Variants in KDM4A observed in about 807,000 individuals in gnomAD.
The protein encoded by KDM4A is lysine-specific demethylase 4A.
KDM4A carries 23 observed loss-of-function variants against 127.1 expected under a neutral mutation model. The observed-to-expected ratio is 0.18, with a 90% CI of 0.13 to 0.26. The LOEUF (loss-of-function observed/expected upper bound fraction) is 0.26, where lower values mean the gene tolerates loss of function less well. Among genes scored for constraint, KDM4A ranks in the 10% least tolerant of loss-of-function variants. The probability of loss-of-function intolerance (pLI) is 1.00; values close to 1 mark genes in which losing one functional copy is unlikely to be tolerated. For missense variants in KDM4A, 890 were observed against 1,329.1 expected (o/e 0.67, Z 5.14); for synonymous variants, 443 against 466.5 (o/e 0.95, Z 0.65).
intron 11 of KDM4A, among the ~76,000 whole-genome samples, chr1:43,678,545 G>A (rs570863236): frequency 1.3e-5 from 2 of 152,042 alleles, no homozygotes; most frequent in East Asian, 3.9e-4. Flanking sequence ...CTAAGGAAGT[G>A]GGAGTGCAGG....
Position 43,697,886 on chromosome 1 carries a change from T to TC in KDM4A, c.2715dup (p.Ile906HisfsTer2). The TC allele has an allele frequency of 6.2e-7, 1 of 1,613,678 alleles. No homozygotes were observed. Among genetic ancestry groups the TC allele is most frequent in the African/African-American group, 1.3e-5 (1 of 74,816 alleles). ...CAAAGCATCACTGCAGGCCAGAAAG[T>TC]CATTAGCAAGCATAAGAACGGGCGC... On this transcript the variant is annotated frameshift_variant, in exon 19 of 22. Transcript: ENST00000372396. LOFTEE classifies it high-confidence loss of function.
At chr1:43,687,267 C>A (rs1661008871) in intron 12 of KDM4A, among the ~76,000 whole-genome samples, 1 of 152,212 alleles carries the variant, frequency 6.6e-6, no homozygotes, top group Non-Finnish European at 1.5e-5. Context: ...ACTATGAGGG[C>A]AGCGTAGAAT....
intron 19 of KDM4A, 113 bp downstream of exon 19, chr1:43,698,126 T>C (rs1047037376): frequency 3.1e-6 from 3 of 960,102 alleles, no homozygotes; most frequent in Admixed American, 2.5e-5. Context: ...CCTGGTCCCA[T>C]CACCATGTCC....
chr1:43,697,851 G>T lies in KDM4A; in HGVS notation c.2679G>T (p.Lys893Asn). The T allele has an allele frequency of 6.2e-7, 1 of 1,612,302 alleles. No homozygotes were observed. ...RHKIPNLERAKGALQSITAGQ... is the reference protein window; with the variant it reads ...RHKIPNLERANGALQSITAGQ... ...CCTCTGTTTTTTTCCAGCGTGCCAAGGGGGCCTTGCAAAGCATCACTGCAG... is the reference window on the plus strand; with the variant it reads ...CCTCTGTTTTTTTCCAGCGTGCCAATGGGGCCTTGCAAAGCATCACTGCAG... Residue 893 changes from lysine to asparagine, a missense_variant, in exon 19 of 22, where the codon AAG becomes AAT. Lys to Asn is a moderately conservative substitution (Grantham distance 94). This residue lies in a region of KDM4A where 246 missense variants were observed against 418.4 expected (regional missense o/e 0.59). Coordinates refer to ENST00000372396, the MANE Select transcript of KDM4A (RefSeq NM_014663.3).
chr1:43,663,516 C>T (rs544439051), intron 5 of KDM4A, among the ~76,000 whole-genome samples: 9 of 152,200 alleles, frequency 5.9e-5, no homozygotes, highest in East Asian at 3.9e-4. Context: ...TAAGGGATTG[C>T]GAGGCTATTC....
Position 43,662,799 on chromosome 1 carries a change from A to G in KDM4A, c.430-95A>G. 1.3e-5 allele frequency: 13 copies of G among 1,024,214 alleles called. No homozygotes were observed. The Middle Eastern group carries it at 6.5e-4, about 51-fold the overall frequency. The allele number at this position is 1,024,214 out of a possible 1,614,324, so 63.4% of individuals were successfully genotyped here. On this transcript the variant is annotated intron_variant, in intron 4 of 21. Coordinates refer to ENST00000372396, the MANE Select transcript of KDM4A (RefSeq NM_014663.3). ...ACATTATTCCCAATGTTTGTCAGAGATGACAGCTTACTTGTGACCTACTCT... is the reference window on the plus strand; with the variant it reads ...ACATTATTCCCAATGTTTGTCAGAGGTGACAGCTTACTTGTGACCTACTCT...
intron 5 of KDM4A, among the ~76,000 whole-genome samples, chr1:43,665,469 CTTA>C (rs1318115510): frequency 6.6e-6 from 1 of 151,852 alleles, no homozygotes; most frequent in Non-Finnish European, 1.5e-5. Flanking sequence ...TAATAAACAT[CTTA>C]TTAAGTGAAT....
At chr1:43,703,794 C>A in intron 20 of KDM4A, 58 bp downstream of exon 20, 1 of 1,605,870 alleles carries the variant, frequency 6.2e-7, no homozygotes, top group Non-Finnish European at 8.5e-7. Flanking sequence ...TCTGTGCTTC[C>A]TGTTGGGCCA....
At chr1:43,665,815 G>C in intron 6 of KDM4A, 70 bp downstream of exon 6, 1 of 1,509,294 alleles carries the variant, frequency 6.6e-7, no homozygotes, top group Middle Eastern at 1.7e-4. Flanking sequence ...GCACTAAAAT[G>C]TGCGTTCCCC....
At chr1:43,669,353 G>A in intron 10 of KDM4A, 54 bp downstream of exon 10, 1 of 1,533,900 alleles carries the variant, frequency 6.5e-7, no homozygotes, top group African/African-American at 1.4e-5. Flanking sequence ...TGTGTCCCGT[G>A]TTAGATGCCA....
intron 11 of KDM4A, among the ~76,000 whole-genome samples, chr1:43,677,108 G>A (rs1296306500): frequency 1.3e-5 from 2 of 152,144 alleles, no homozygotes; most frequent in Non-Finnish European, 2.9e-5. Flanking sequence ...CACTCTGGGA[G>A]GCCGAGGGGG....
chr1:43,705,025 C>T lies in KDM4A; in HGVS notation c.*655C>T, dbSNP rs1373251442. ...AGATGCTAAGGAGCTGATGCCACCT[C>T]TTTGTCTTCCCCTAAAGGAGAACAT... On this transcript the variant is annotated 3_prime_UTR_variant, in exon 22 of 22. Coordinates refer to ENST00000372396, the MANE Select transcript of KDM4A (RefSeq NM_014663.3). 6.5e-6 allele frequency: 1 copy of T among 152,872 alleles called. No individual in the cohort carries two copies. Among genetic ancestry groups the T allele is most frequent in the African/African-American group, 2.4e-5 (1 of 41,454 alleles). 9.5% of individuals were successfully genotyped at this position (152,872 alleles called of 1,614,324 possible).
chr1:43,678,609 A>G (rs1344811278), intron 11 of KDM4A, among the ~76,000 whole-genome samples: 1 of 142,336 alleles, frequency 7.0e-6, no homozygotes, highest in Non-Finnish European at 1.5e-5. Flanking sequence ...TTTTTTTGAG[A>G]AAAGGTCTTG....
intron 11 of KDM4A, among the ~76,000 whole-genome samples, chr1:43,680,235 C>T (rs940541606): frequency 6.6e-5 from 10 of 152,134 alleles, no homozygotes; most frequent in Non-Finnish European, 1.0e-4. Flanking sequence ...GCTCAGACTT[C>T]GGACTTGGAC....
intron 2 of KDM4A, among the ~76,000 whole-genome samples, chr1:43,654,984 G>C (rs1309286134): frequency 6.6e-6 from 1 of 151,812 alleles, no homozygotes; most frequent in East Asian, 1.9e-4. Context: ...CCAAATAGCC[G>C]GGATTATAGT....
At chr1:43,667,676 C>T (rs1660529450) in intron 8 of KDM4A, 96 bp from the exon 9 acceptor site, 7 of 1,498,780 alleles carry the variant, frequency 4.7e-6, no homozygotes, top group South Asian at 2.4e-5. Context: ...AACCATCTTG[C>T]ACTTGTTTCC....
chr1:43,704,746 C>A lies in KDM4A; in HGVS notation c.*376C>A. Reference sequence around the variant, plus strand: ...CTAGGCTGAGGTGCTGGTACTTGCCCCAACCCCTACTTTTGTATTTATATG... The same window carrying A: ...CTAGGCTGAGGTGCTGGTACTTGCCACAACCCCTACTTTTGTATTTATATG... On this transcript the variant is annotated 3_prime_UTR_variant, in exon 22 of 22. Coordinates refer to ENST00000372396, the MANE Select transcript of KDM4A (RefSeq NM_014663.3). The A allele has an allele frequency of 4.0e-6, 1 of 247,942 alleles. No homozygotes were observed. The highest frequency in any genetic ancestry group is 6.2e-5 in the South Asian group (1 of 16,200). The allele number at this position is 247,942 out of a possible 1,614,324, so 15.4% of individuals were successfully genotyped here.
rs146517046 is a variant in KDM4A, at chr1:43,704,436, C to A, written c.*66C>A. Reference sequence around the variant, plus strand: ...GAGCACTCTGGGTTCCACAGCACAGCAGACATGGAACGCTGAAGTCTCTGA... The same window carrying A: ...GAGCACTCTGGGTTCCACAGCACAGAAGACATGGAACGCTGAAGTCTCTGA... On this transcript the variant is annotated 3_prime_UTR_variant, in exon 22 of 22. Transcript: ENST00000372396. The A allele has an allele frequency of 1.1e-5, 16 of 1,482,684 alleles. No individual in the cohort carries two copies. Among genetic ancestry groups the A allele is most frequent in the Non-Finnish European group, 1.5e-5 (16 of 1,087,638 alleles). 91.8% of individuals were successfully genotyped at this position (1,482,684 alleles called of 1,614,324 possible). A position where few individuals can be genotyped will look rare whatever the true frequency, so the allele number is the denominator to read the frequency against.
rs1348243859 is a variant in KDM4A, at chr1:43,704,555, A to G, written c.*185A>G. ...TTCCGCTGTAGTGAAAGGACGAGCCATTTCTGGGCACGTGGCAGCAGTCGC... is the reference window on the plus strand; with the variant it reads ...TTCCGCTGTAGTGAAAGGACGAGCCGTTTCTGGGCACGTGGCAGCAGTCGC... On this transcript the variant is annotated 3_prime_UTR_variant, in exon 22 of 22. Transcript: ENST00000372396. 1 of 641,220 alleles carries G rather than the reference A, an allele frequency of 1.6e-6. No individual in the cohort carries two copies. The highest frequency in any genetic ancestry group is 1.8e-5 in the African/African-American group (1 of 54,914). 39.7% of individuals were successfully genotyped at this position (641,220 alleles called of 1,614,324 possible). A position where few individuals can be genotyped will look rare whatever the true frequency, so the allele number is the denominator to read the frequency against.
Sources: allele counts gnomAD v4.1 joint callset (sites outside exome capture counted in the v4.1 genomes callset), GRCh38; gene constraint gnomAD v4.1.1; regional missense constraint gnomAD v4.1.1; transcripts MANE v1.5; gene names NCBI Gene and HGNC (gene_info 2026-07-23, HGNC 2026-07-21).